The following HECW2 variants were observed in gnomAD, a reference collection of about 807,000 sequenced individuals.
The protein encoded by HECW2 is E3 ubiquitin-protein ligase HECW2.
HECW2 carries 61 observed loss-of-function variants against 175.2 expected under a neutral mutation model. That is an observed-to-expected ratio of 0.35 (90% CI 0.28 to 0.43). The LOEUF (loss-of-function observed/expected upper bound fraction) is 0.43, where lower values mean the gene tolerates loss of function less well. Among genes scored for constraint, HECW2 ranks in the 20% least tolerant of loss-of-function variants. The pLI is 1.00. For missense variants in HECW2, 1,524 were observed against 2,000.5 expected (o/e 0.76, Z 4.54); for synonymous variants, 671 against 731.0 (o/e 0.92, Z 1.32).
intron 2 of HECW2, among the ~76,000 whole-genome samples, chr2:196,404,382 T>TTC (rs1694903621): frequency 6.6e-6 from 1 of 152,166 alleles, no homozygotes; most frequent in South Asian, 2.1e-4. Context: ...TCCTAGACCT[T>TTC]CTAGGAGAAG....
At chr2:196,355,845 A>G (rs1693345841) in intron 2 of HECW2, among the ~76,000 whole-genome samples, 1 of 152,156 alleles carries the variant, frequency 6.6e-6, no homozygotes, top group African/African-American at 2.4e-5. Context: ...TGGCTTAAAG[A>G]AAGAAAGCTT....
At chr2:196,337,781 TGTAAG>T (rs1429246294) in intron 3 of HECW2, among the ~76,000 whole-genome samples, 2 of 152,008 alleles carry the variant, frequency 1.3e-5, no homozygotes, top group East Asian at 3.9e-4. Flanking sequence ...TGTACGAACC[TGTAAG>T]GACCTGATAT....
chr2:196,286,955 T>C (rs1048780677), intron 14 of HECW2, among the ~76,000 whole-genome samples: 2 of 152,230 alleles, frequency 1.3e-5, no homozygotes, highest in African/African-American at 2.4e-5. Context: ...CAGTAAATAG[T>C]TGCCATCAGT....
chr2:196,264,361 C>A (rs1188810346), intron 17 of HECW2, among the ~76,000 whole-genome samples: 1 of 152,096 alleles, frequency 6.6e-6, no homozygotes, highest in Non-Finnish European at 1.5e-5. Flanking sequence ...GAACTGTTTT[C>A]TTCATAAATA....
chr2:196,260,872 T>C (rs1689262056), intron 17 of HECW2, among the ~76,000 whole-genome samples: 1 of 152,238 alleles, frequency 6.6e-6, no homozygotes, highest in South Asian at 2.1e-4. Context: ...AAGCTCAAGC[T>C]CTGCAAGAAT....
chr2:196,243,880 A>G (rs868438281), intron 19 of HECW2, among the ~76,000 whole-genome samples: 128 of 152,276 alleles, frequency 8.4e-4, no homozygotes, highest in African/African-American at 2.9e-3. Flanking sequence ...TGCCCAGCCA[A>G]TTGTTCCTCT....
At chr2:196,216,006 G>T (rs1687463149) in intron 27 of HECW2, 29 bp from the exon 28 acceptor site, 1 of 1,518,922 alleles carries the variant, frequency 6.6e-7, no homozygotes, top group East Asian at 2.3e-5. Context: ...AGAAGGAGAA[G>T]GTGAAGCCAG....
At position 196,288,448 on chromosome 2, in the gene HECW2, T is replaced by C. The variant is rs1173839828; in HGVS notation, c.3000+4117A>G. The C allele has an allele frequency of 1.3e-5, 2 of 152,180 alleles. 1 individual carries two copies. Among genetic ancestry groups the C allele is most frequent in the South Asian group, 4.1e-4 (2 of 4,828 alleles). The allele number at this position is 152,180 out of a possible 1,614,324, so 9.4% of individuals were successfully genotyped here. On this transcript the variant is annotated intron_variant, in intron 14 of 28. Coordinates refer to ENST00000644978, the MANE Select transcript of HECW2 (RefSeq NM_001348768.2). ...TACCCTGCAGTGATCAAGAACAACA[T>C]GGACAGCAAAGAACTGTAACACCAA...
At chr2:196,319,939 C>T (rs1312022511) in intron 8 of HECW2, 35 bp from the exon 9 acceptor site, 2 of 1,539,728 alleles carry the variant, frequency 1.3e-6, no homozygotes, top group Non-Finnish European at 1.7e-6. Context: ...AAAAATTAAC[C>T]AGAAATAATA....
chr2:196,366,715 T>A (rs1693754902), intron 2 of HECW2, among the ~76,000 whole-genome samples: 1 of 152,174 alleles, frequency 6.6e-6, no homozygotes, highest in South Asian at 2.1e-4. Context: ...AATGGTGAAC[T>A]TTGTGTTAAC....
Position 196,253,924 on chromosome 2 carries a change from C to A in HECW2, c.3525G>T (p.Ser1175=), listed in dbSNP as rs771364114. Residue 1175 remains serine, a synonymous_variant, in exon 19 of 29, where the codon TCG becomes TCT. Coordinates refer to ENST00000644978, the MANE Select transcript of HECW2 (RefSeq NM_001348768.2). ...RGSPVSSPQN[S]PGTQRANARA... ...GTGAGCAGCAGGTGGACTCACCTGGCGAGTTCTGAGGAGATGACACGGGAG... is the reference window on the plus strand; with the variant it reads ...GTGAGCAGCAGGTGGACTCACCTGGAGAGTTCTGAGGAGATGACACGGGAG... 12 of 1,613,556 alleles carry A rather than the reference C, an allele frequency of 7.4e-6. No individual in the cohort carries two copies. Among genetic ancestry groups the A allele is most frequent in the South Asian group, 5.5e-5 (5 of 91,074 alleles).
At chr2:196,325,423 C>T (rs1183790487) in intron 5 of HECW2, among the ~76,000 whole-genome samples, 1 of 152,152 alleles carries the variant, frequency 6.6e-6, no homozygotes, top group African/African-American at 2.4e-5. Context: ...AGAGGGGTCA[C>T]CTAACAGGCC....
At chr2:196,326,417 C>G (rs976410046) in intron 5 of HECW2, among the ~76,000 whole-genome samples, 2 of 151,330 alleles carry the variant, frequency 1.3e-5, no homozygotes, top group African/African-American at 4.9e-5. Context: ...TTTGATATAT[C>G]TGCAAATATT....
In HECW2 at chr2:196,408,985, C is replaced by T. The variant is rs141394987; in HGVS notation, c.292+24147G>A. 1.8e-3 allele frequency among the ~76,000 whole-genome samples: 280 copies of T among 152,240 alleles called. 1 individual carries two copies. Among genetic ancestry groups the T allele is most frequent in the African/African-American group, 6.2e-3 (257 of 41,540 alleles). ...ACAGGAGAATACAATCAATGGTGTG[C>T]GGGAGTCTATTGTTAACTTTTTCAG... On this transcript the variant is annotated intron_variant, in intron 2 of 28. Coordinates refer to ENST00000644978, the MANE Select transcript of HECW2 (RefSeq NM_001348768.2).
At position 196,324,977 on chromosome 2, in the gene HECW2, T is replaced by C; in HGVS notation, c.741+3A>G. Reference sequence around the variant, plus strand: ...AGTAGGAGACCCCCGAGGATCATCTTACCTCTCGGTGCCAAATTGGATTGG... The same window carrying C: ...AGTAGGAGACCCCCGAGGATCATCTCACCTCTCGGTGCCAAATTGGATTGG... On this transcript the variant is annotated splice_donor_region_variant and intron_variant, in intron 6 of 28. Coordinates refer to ENST00000644978, the MANE Select transcript of HECW2 (RefSeq NM_001348768.2). The C allele has an allele frequency of 1.3e-6, 2 of 1,565,572 alleles. No individual in the cohort carries two copies. The highest frequency in any genetic ancestry group is 1.4e-5 in the African/African-American group (1 of 72,774).
chr2:196,256,540 T>C (rs1220688598), intron 18 of HECW2, among the ~76,000 whole-genome samples: 1 of 152,214 alleles, frequency 6.6e-6, no homozygotes, highest in Non-Finnish European at 1.5e-5. Context: ...GATAGGTGAA[T>C]GATAATTATG....
chr2:196,581,026 G>C (rs554195174), intron 1 of HECW2, among the ~76,000 whole-genome samples: 3 of 152,294 alleles, frequency 2.0e-5, no homozygotes, highest in African/African-American at 7.2e-5. Flanking sequence ...ATTATGCTAA[G>C]TGAAAGATGC....
chr2:196,468,651 AT>A (rs910256826), intron 1 of HECW2, among the ~76,000 whole-genome samples: 3 of 151,956 alleles, frequency 2.0e-5, no homozygotes, highest in African/African-American at 7.2e-5. Context: ...AAACTATTCC[AT>A]TTTTTTTCCC....
chr2:196,456,325 G>C (rs1460492631), intron 1 of HECW2, among the ~76,000 whole-genome samples: 1 of 152,134 alleles, frequency 6.6e-6, no homozygotes, highest in African/African-American at 2.4e-5. Context: ...CATATTTACT[G>C]AACATTTATA....
Sources: gnomAD v4.1 joint callset for allele counts (sites outside exome capture counted in the v4.1 genomes callset) on GRCh38, gnomAD v4.1.1 for gene constraint, MANE v1.5 for transcripts, NCBI Gene and HGNC (gene_info 2026-07-23, HGNC 2026-07-21) for gene names.